NFATC1: variants seen among roughly 807,000 people sequenced by gnomAD.
NFATC1 encodes nuclear factor of activated T-cells, cytoplasmic 1.
NFATC1 carries 22 observed loss-of-function variants against 76.0 expected under a neutral mutation model. The ratio of observed to expected loss-of-function variants is 0.29; its 90% CI spans 0.21 to 0.41. The LOEUF is 0.41. NFATC1 is among the 10% of genes least tolerant of loss of function. The probability of loss-of-function intolerance (pLI) is 1.00; values close to 1 mark genes in which losing one functional copy is unlikely to be tolerated. For missense variants in NFATC1, 1,357 were observed against 1,337.7 expected, an observed-to-expected ratio of 1.01 and a Z score of -0.23; for synonymous variants, 704 against 613.1, an observed-to-expected ratio of 1.15 and a Z score of -2.19.
At chr18:79,461,119 CT>C (rs1462288492) in intron 6 of NFATC1, among the ~76,000 whole-genome samples, 191 bp from the exon 7 acceptor site, 1 of 152,238 alleles carries the variant, frequency 6.6e-6, no homozygotes, top group Non-Finnish European at 1.5e-5. Context: ...TGGTGTCGAG[CT>C]CGGGGCCCTG....
At chr18:79,420,662 G>C (rs1464001714) in intron 2 of NFATC1, among the ~76,000 whole-genome samples, 1 of 151,706 alleles carries the variant, frequency 6.6e-6, no homozygotes, top group Non-Finnish European at 1.5e-5. Context: ...GCTGCAGAGA[G>C]GAAGAGGGGG....
chr18:79,435,847 C>G (rs1378501505), intron 3 of NFATC1, among the ~76,000 whole-genome samples: 4 of 152,232 alleles, frequency 2.6e-5, no homozygotes, highest in Non-Finnish European at 5.9e-5. Context: ...ACAGAAGGAG[C>G]CCTTTCCATT....
intron 7 of NFATC1, among the ~76,000 whole-genome samples, chr18:79,462,522 TG>T (rs2088165084): frequency 6.6e-6 from 1 of 152,146 alleles, no homozygotes; most frequent in African/African-American, 2.4e-5. Context: ...CAAGCAGGTC[TG>T]GAACTCCCAA....
At chr18:79,509,693 G>A (rs547251956) in intron 9 of NFATC1, among the ~76,000 whole-genome samples, 181 of 152,288 alleles carry the variant, frequency 1.2e-3, no homozygotes, top group South Asian at 1.9e-3. Flanking sequence ...GGAAGGTGCC[G>A]GCACAGTCTG....
At chr18:79,471,308 G>A (rs914002419) in intron 8 of NFATC1, among the ~76,000 whole-genome samples, 7 of 152,156 alleles carry the variant, frequency 4.6e-5, no homozygotes, top group South Asian at 2.1e-4. Context: ...CGGCGTCCGC[G>A]TGGCCTGGGG....
Position 79,410,630 on chromosome 18 carries a change from C to T in NFATC1, c.355C>T (p.Arg119Cys). ...TGGGGCCCCTGCCCTGGAGAGTCCT[C>T]GCATCGAGATAACCTCGTGCTTGGG... The part of the protein sequence containing the change: ...PDGAPALESP[R>C]IEITSCLGLY... Residue 119 changes from arginine to cysteine, a missense_variant, in exon 2 of 10, where the codon CGC becomes TGC. Transcript: ENST00000427363. This position sits in a 1 kb window ranked among gnomAD's most constrained non-coding sequence, Gnocchi z 6.7. The T allele has an allele frequency of 1.9e-6, 3 of 1,613,194 alleles. No individual in the cohort carries two copies. Among genetic ancestry groups the T allele is most frequent in the Non-Finnish European group, 2.5e-6 (3 of 1,180,012 alleles).
chr18:79,415,419 C>A (rs1023337337), intron 2 of NFATC1, among the ~76,000 whole-genome samples: 2 of 151,892 alleles, frequency 1.3e-5, no homozygotes, highest in African/African-American at 4.8e-5. Flanking sequence ...AGTAGCTGGG[C>A]CTACAGGCGC....
intron 9 of NFATC1, among the ~76,000 whole-genome samples, chr18:79,517,719 G>A (rs12959273): frequency 0.33 from 49,895 of 152,076 alleles, 8,600 homozygotes; most frequent in Non-Finnish European, 0.37. Context: ...TTTGTTTAGC[G>A]GTCATAGATA....
intron 8 of NFATC1, among the ~76,000 whole-genome samples, chr18:79,471,778 G>T (rs965959669): frequency 1.3e-5 from 2 of 152,246 alleles, no homozygotes; most frequent in African/African-American, 4.8e-5. Context: ...GACATCCAGG[G>T]TGTGAAGGTG....
intron 8 of NFATC1, among the ~76,000 whole-genome samples, chr18:79,474,274 G>T (rs1000822864): frequency 7.2e-6 from 1 of 138,170 alleles, no homozygotes; most frequent in Non-Finnish European, 1.5e-5. Context: ...TAAACCTGAG[G>T]GAAGCGTGTT....
At chr18:79,418,212 G>A (rs992940541) in intron 2 of NFATC1, among the ~76,000 whole-genome samples, 2 of 152,114 alleles carry the variant, frequency 1.3e-5, no homozygotes, top group African/African-American at 2.4e-5. Context: ...GGAAGAATCC[G>A]CGTGCTGCCC....
chr18:79,431,699 G>A (rs2086594075), intron 2 of NFATC1, among the ~76,000 whole-genome samples: 1 of 151,866 alleles, frequency 6.6e-6, no homozygotes, highest in Non-Finnish European at 1.5e-5. Flanking sequence ...CCTTGTTTTT[G>A]TTGTTGTTTG....
chr18:79,432,709 C>G (rs1181698347), intron 2 of NFATC1, among the ~76,000 whole-genome samples: 2 of 152,194 alleles, frequency 1.3e-5, no homozygotes, highest in African/African-American at 4.8e-5. Flanking sequence ...CAGGCCACCC[C>G]CTAGATGCAA....
intron 4 of NFATC1, 74 bp downstream of exon 4, chr18:79,449,058 G>C: frequency 6.7e-7 from 1 of 1,484,076 alleles, no homozygotes; most frequent in South Asian, 1.2e-5. Context: ...AGTCCCGGGG[G>C]GTCTGGCCAG....
chr18:79,412,546 G>A (rs1316173092), intron 2 of NFATC1, among the ~76,000 whole-genome samples: 1 of 152,152 alleles, frequency 6.6e-6, no homozygotes, highest in East Asian at 1.9e-4. Flanking sequence ...ATGCCTGCAG[G>A]GTGAGGAAGG....
At chr18:79,441,167 G>A (rs2086960734) in intron 3 of NFATC1, among the ~76,000 whole-genome samples, 1 of 152,190 alleles carries the variant, frequency 6.6e-6, no homozygotes, top group African/African-American at 2.4e-5. Flanking sequence ...CATGTCCTAG[G>A]GAAATAGAAG....
At chr18:79,432,041 C>T (rs1240945783) in intron 2 of NFATC1, among the ~76,000 whole-genome samples, 1 of 152,226 alleles carries the variant, frequency 6.6e-6, no homozygotes, top group Non-Finnish European at 1.5e-5. Context: ...ACAGTGTGTC[C>T]TGAGGTGTGG....
chr18:79,463,333 C>T (rs1481898270), intron 7 of NFATC1, among the ~76,000 whole-genome samples: 2 of 151,318 alleles, frequency 1.3e-5, no homozygotes, highest in African/African-American at 4.9e-5. Context: ...GCCTACACGG[C>T]CCGTTGTCCG....
rs7238189 is a variant in NFATC1, at chr18:79,432,339, A to G, written c.1227-1240A>G. Among the ~76,000 whole-genome samples, 531 of 83,116 alleles carry G rather than the reference A, an allele frequency of 6.4e-3. 1 individual carries two copies. Among genetic ancestry groups the G allele is most frequent in the Middle Eastern group, 9.3e-3 (2 of 216 alleles). The allele number at this position is 83,116 out of a possible 152,430, so 54.5% of individuals were successfully genotyped here. On this transcript the variant is annotated intron_variant, in intron 2 of 9. Coordinates refer to ENST00000427363, the MANE Select transcript of NFATC1 (RefSeq NM_001278669.2). ...CGGGGTGAGCCTGTGTGGTGAGGAC[A>G]GTCGGCGGGCCCTGGGTCTCTGCCC...
Sources: allele counts gnomAD v4.1 joint callset (sites outside exome capture counted in the v4.1 genomes callset), GRCh38; gene constraint gnomAD v4.1.1; non-coding constraint Gnocchi (gnomAD v3.1); transcripts MANE v1.5; gene names NCBI Gene and HGNC (gene_info 2026-07-23, HGNC 2026-07-21).